The following PKHD1 variants were observed in gnomAD, a reference collection of about 807,000 sequenced individuals.
PKHD1 encodes the protein fibrocystin.
In PKHD1, 291 loss-of-function variants were observed where a neutral mutation model predicts 412.0. The observed-to-expected ratio is 0.71, with a 90% CI of 0.64 to 0.78. The LOEUF is 0.78. PKHD1 is among the 30% of genes least tolerant of loss of function. The pLI is 0.00. For synonymous variants in PKHD1, 1,777 were observed against 1,821.5 expected, an observed-to-expected ratio of 0.98 and a Z score of 0.62; for missense variants, 4,825 against 4,950.7, an observed-to-expected ratio of 0.97 and a Z score of 0.76.
chr6:51,792,221 T>C (rs1793871762), intron 52 of PKHD1, among the ~76,000 whole-genome samples: 1 of 152,218 alleles, frequency 6.6e-6, no homozygotes, highest in South Asian at 2.1e-4. Flanking sequence ...CAATAAGTAT[T>C]TCATGTATGC....
At chr6:51,752,598 C>A (rs567251136) in intron 57 of PKHD1, among the ~76,000 whole-genome samples, 1 of 152,128 alleles carries the variant, frequency 6.6e-6, no homozygotes, top group African/African-American at 2.4e-5. Context: ...TTCATGTACA[C>A]CACGATTTTA....
intron 50 of PKHD1, among the ~76,000 whole-genome samples, chr6:51,840,643 G>A (rs1215950873): frequency 1.3e-5 from 2 of 152,150 alleles, no homozygotes; most frequent in African/African-American, 4.8e-5. Flanking sequence ...AAGCATTTCA[G>A]CTGTTTACAC....
At chr6:51,680,063 G>C (rs1776428474) in intron 60 of PKHD1, among the ~76,000 whole-genome samples, 1 of 151,908 alleles carries the variant, frequency 6.6e-6, no homozygotes, top group African/African-American at 2.4e-5. Flanking sequence ...ACGGTATCAA[G>C]CTCCTAAGGT....
At chr6:51,807,001 C>T (rs532185568) in intron 52 of PKHD1, among the ~76,000 whole-genome samples, 2 of 151,970 alleles carry the variant, frequency 1.3e-5, no homozygotes, top group African/African-American at 2.4e-5. Flanking sequence ...CCTAAAATAC[C>T]CTGCAAAAGA....
At chr6:52,053,796 C>T (rs145090420) in intron 20 of PKHD1, among the ~76,000 whole-genome samples, 2 of 152,300 alleles carry the variant, frequency 1.3e-5, no homozygotes, top group African/African-American at 2.4e-5. Context: ...CCCCCAACTA[C>T]GCTGTTCTAC....
intron 63 of PKHD1, 142 bp from the exon 64 acceptor site, chr6:51,639,098 T>A (rs577344268): frequency 1.4e-6 from 1 of 720,960 alleles, no homozygotes; most frequent in South Asian, 1.5e-5. Context: ...ATCAGGTTCT[T>A]CTTAGTCAAG....
chr6:51,895,476 G>C (rs550319756), intron 43 of PKHD1, among the ~76,000 whole-genome samples: 2 of 152,274 alleles, frequency 1.3e-5, no homozygotes, highest in South Asian at 2.1e-4. Context: ...TCATCAAAAT[G>C]ATTTTAGAAC....
intron 36 of PKHD1, among the ~76,000 whole-genome samples, chr6:51,956,432 A>C (rs1000232599): frequency 3.9e-5 from 6 of 152,032 alleles, no homozygotes; most frequent in African/African-American, 1.4e-4. Context: ...AATTTCACCC[A>C]GGACCATTTA....
chr6:51,616,084 T>A lies in PKHD1; in HGVS notation c.*2997A>T, dbSNP rs927842562. 6.6e-6 allele frequency: 1 copy of A among 152,200 alleles called. No homozygotes were observed. Among genetic ancestry groups the A allele is most frequent in the African/African-American group, 2.4e-5 (1 of 41,454 alleles). 9.4% of individuals were successfully genotyped at this position (152,200 alleles called of 1,614,324 possible). A position where few individuals can be genotyped will look rare whatever the true frequency, so the allele number is the denominator to read the frequency against. On this transcript the variant is annotated 3_prime_UTR_variant, in exon 67 of 67. Coordinates refer to ENST00000371117, the MANE Select transcript of PKHD1 (RefSeq NM_138694.4). ...CTTTATTTGACAAATAAAAATTGTA[T>A]ATATTTATCATGTACAACTCGATAG...
chr6:51,781,194 T>G (rs1474336534), intron 53 of PKHD1, among the ~76,000 whole-genome samples: 1 of 152,098 alleles, frequency 6.6e-6, no homozygotes, highest in African/African-American at 2.4e-5. Context: ...GCAGCACATA[T>G]TTTTTTCTGA....
intron 54 of PKHD1, among the ~76,000 whole-genome samples, chr6:51,774,542 C>T (rs1474131257): frequency 6.6e-6 from 1 of 151,772 alleles, no homozygotes; most frequent in Admixed American, 6.6e-5. Context: ...ATTCTTGAAC[C>T]TCTTGTTATT....
intron 52 of PKHD1, among the ~76,000 whole-genome samples, chr6:51,829,267 A>G (rs1194278133): frequency 1.3e-5 from 2 of 150,570 alleles, no homozygotes; most frequent in African/African-American, 4.9e-5. Flanking sequence ...GGAATGAAGA[A>G]TAGTGGAGAA....
chr6:51,990,711 T>C (rs938036617), intron 35 of PKHD1, among the ~76,000 whole-genome samples: 1 of 152,210 alleles, frequency 6.6e-6, no homozygotes, highest in African/African-American at 2.4e-5. Context: ...TTTTCCATTC[T>C]ATCCCACTCT....
intron 55 of PKHD1, among the ~76,000 whole-genome samples, chr6:51,768,658 T>C (rs1789534154): frequency 6.6e-6 from 1 of 151,924 alleles, no homozygotes; most frequent in South Asian, 2.1e-4. Flanking sequence ...TTTTCAATAA[T>C]TGGATCTAAT....
chr6:51,718,505 G>C (rs1380945626), intron 60 of PKHD1, among the ~76,000 whole-genome samples: 1 of 152,162 alleles, frequency 6.6e-6, no homozygotes, highest in African/African-American at 2.4e-5. Flanking sequence ...AATTTCTAAA[G>C]GGTACATAGA....
chr6:51,760,513 T>A (rs898153975), intron 55 of PKHD1, among the ~76,000 whole-genome samples: 2 of 152,060 alleles, frequency 1.3e-5, no homozygotes, highest in Admixed American at 1.3e-4. Flanking sequence ...GTGTCTGATG[T>A]AATGGAATCT....
intron 60 of PKHD1, among the ~76,000 whole-genome samples, chr6:51,742,747 C>T (rs1349377431): frequency 6.6e-6 from 1 of 151,786 alleles, no homozygotes; most frequent in Non-Finnish European, 1.5e-5. Context: ...AAAGGATAAA[C>T]AGTACATTAA....
At chr6:51,828,099 G>A (rs1172846683) in intron 52 of PKHD1, among the ~76,000 whole-genome samples, 1 of 152,016 alleles carries the variant, frequency 6.6e-6, no homozygotes, top group Non-Finnish European at 1.5e-5. Context: ...TTAAGAATGC[G>A]GATGGTAAGA....
At chr6:51,768,876 A>G (rs1260351315) in intron 55 of PKHD1, among the ~76,000 whole-genome samples, 2 of 151,690 alleles carry the variant, frequency 1.3e-5, no homozygotes, top group South Asian at 2.1e-4. Context: ...ATTAATTTAA[A>G]AGAAGTATCC....
Sources: allele counts gnomAD v4.1 joint callset (sites outside exome capture counted in the v4.1 genomes callset), GRCh38; gene constraint gnomAD v4.1.1; transcripts MANE v1.5; gene names NCBI Gene and HGNC (gene_info 2026-07-23, HGNC 2026-07-21).